ITGB1: variants seen among roughly 807,000 people sequenced by gnomAD.
ITGB1 encodes integrin subunit beta 1, also known as integrin beta-1.
A neutral mutation model predicts 86.5 loss-of-function variants in ITGB1; 24 were observed. That is an observed-to-expected ratio of 0.28 (90% CI 0.20 to 0.39). The LOEUF is 0.39. Among genes scored for constraint, ITGB1 ranks in the 10% least tolerant of loss-of-function variants. The pLI is 1.00. For missense variants in ITGB1, 556 were observed against 946.9 expected, an observed-to-expected ratio of 0.59 and a Z score of 5.42; for synonymous variants, 323 against 316.8, an observed-to-expected ratio of 1.02 and a Z score of -0.21.
At position 32,945,906 on chromosome 10, in the gene ITGB1, T is replaced by A. The variant is rs151165272; in HGVS notation, c.1-10348A>T. On this transcript the variant is annotated intron_variant, in intron 1 of 15. Transcript: ENST00000302278. Reference sequence around the variant, plus strand: ...TTTACTCAGAATTTTCAATTTGCTATAAAAATGTATCAATTAACATACAGA... The same window carrying A: ...TTTACTCAGAATTTTCAATTTGCTAAAAAAATGTATCAATTAACATACAGA... Among the ~76,000 whole-genome samples, 279 of 152,344 alleles carry A rather than the reference T, an allele frequency of 1.8e-3. 2 individuals are homozygous for A. Among genetic ancestry groups the A allele is most frequent in the African/African-American group, 6.4e-3 (267 of 41,588 alleles).
chr10:32,939,498 G>A (rs2095012653), intron 1 of ITGB1, among the ~76,000 whole-genome samples: 1 of 152,212 alleles, frequency 6.6e-6, no homozygotes, highest in South Asian at 2.1e-4. Context: ...AGGCTCTACG[G>A]TACAGCCTAT....
At chr10:32,934,494 C>T (rs1276512406) in intron 2 of ITGB1, among the ~76,000 whole-genome samples, 1 of 152,078 alleles carries the variant, frequency 6.6e-6, no homozygotes, top group African/African-American at 2.4e-5. Context: ...CCCATGGATA[C>T]CATAGGGCAA....
At chr10:32,903,350 T>TTAAA (rs1364772152) in intron 15 of ITGB1, among the ~76,000 whole-genome samples, 1 of 16,054 alleles carries the variant, frequency 6.2e-5, no homozygotes, top group Non-Finnish European at 1.9e-4. Flanking sequence ...AGACTCCATC[T>TTAAA]CAAAAAAAAA....
chr10:32,927,384 GATC>G (rs1407969207), intron 5 of ITGB1, among the ~76,000 whole-genome samples: 3 of 152,182 alleles, frequency 2.0e-5, no homozygotes, highest in Non-Finnish European at 4.4e-5. Flanking sequence ...TTGGAAAGCA[GATC>G]ATCATCATAT....
intron 8 of ITGB1, 117 bp from the exon 9 acceptor site, chr10:32,922,463 T>A (rs1593866518): frequency 1.2e-6 from 1 of 817,236 alleles, no homozygotes; most frequent in East Asian, 2.6e-5. Context: ...TAACTAACTT[T>A]AGGAGTCAAA....
At chr10:32,917,740 C>T (rs911180514) in intron 11 of ITGB1, among the ~76,000 whole-genome samples, 2 of 152,162 alleles carry the variant, frequency 1.3e-5, no homozygotes, top group Non-Finnish European at 2.9e-5. Context: ...TTTTACACTG[C>T]TGGTGGGACT....
At chr10:32,919,780 A>G in intron 11 of ITGB1, 105 bp downstream of exon 11, 1 of 958,624 alleles carries the variant, frequency 1.0e-6, no homozygotes, top group Non-Finnish European at 1.6e-6. Context: ...GGAAAAAATA[A>G]TTTGCTCCAA....
intron 1 of ITGB1, among the ~76,000 whole-genome samples, chr10:32,956,326 G>A (rs1030862533): frequency 2.0e-5 from 3 of 151,748 alleles, no homozygotes; most frequent in Admixed American, 6.6e-5. Context: ...CGTAAAGGAC[G>A]TATGTGGTTT....
At chr10:32,954,941 T>A (rs566573869) in intron 1 of ITGB1, among the ~76,000 whole-genome samples, 1 of 152,306 alleles carries the variant, frequency 6.6e-6, no homozygotes, top group South Asian at 2.1e-4. Flanking sequence ...ATAACAAATG[T>A]ACAAAGTATA....
At chr10:32,929,768 G>GT in intron 4 of ITGB1, 54 bp downstream of exon 4, 2 of 980,528 alleles carry the variant, frequency 2.0e-6, no homozygotes, top group Non-Finnish European at 3.3e-6. Context: ...CATAAAGCTG[G>GT]TGTCGAATGC....
chr10:32,923,766 T>C (rs928055705), intron 6 of ITGB1, 26 bp from the exon 7 acceptor site: 2 of 1,595,118 alleles, frequency 1.3e-6, no homozygotes, highest in Non-Finnish European at 1.7e-6. Context: ...ATTTCAATTT[T>C]AAAACACTAT....
At chr10:32,914,668 G>C (rs763575023) in intron 11 of ITGB1, among the ~76,000 whole-genome samples, 6 of 151,922 alleles carry the variant, frequency 3.9e-5, no homozygotes, top group Non-Finnish European at 8.8e-5. Context: ...CATAAAGCAG[G>C]TCCTGAGAGA....
intron 4 of ITGB1, among the ~76,000 whole-genome samples, chr10:32,928,609 C>T (rs1387680809): frequency 6.6e-6 from 1 of 152,142 alleles, no homozygotes. Flanking sequence ...TAGGGTACAA[C>T]TGACTTTTTA....
intron 11 of ITGB1, among the ~76,000 whole-genome samples, chr10:32,912,810 G>A (rs2094917725): frequency 6.6e-6 from 1 of 152,196 alleles, no homozygotes; most frequent in South Asian, 2.1e-4. Context: ...TTTGAAGAGA[G>A]TAGTGGTTCT....
At chr10:32,920,797 A>G (rs1210613421) in intron 9 of ITGB1, among the ~76,000 whole-genome samples, 2 of 140,798 alleles carry the variant, frequency 1.4e-5, no homozygotes, top group Non-Finnish European at 3.1e-5. Context: ...ACACAGTGAA[A>G]CCCCATCTCC....
intron 1 of ITGB1, 169 bp downstream of exon 1, chr10:32,957,976 C>T (rs7912985): frequency 0.19 from 28,708 of 150,868 alleles, 2,790 homozygotes; most frequent in East Asian, 0.25. Flanking sequence ...TGGAATCCTG[C>T]CCCAGCCCCC....
At chr10:32,905,369 CAAAA>C (rs1481067533) in intron 15 of ITGB1, among the ~76,000 whole-genome samples, 1 of 152,130 alleles carries the variant, frequency 6.6e-6, no homozygotes, top group Non-Finnish European at 1.5e-5. Context: ...TCTCAATAGT[CAAAA>C]AACACAACAA....
chr10:32,919,066 T>C (rs1007729479), intron 11 of ITGB1, among the ~76,000 whole-genome samples: 1 of 152,196 alleles, frequency 6.6e-6, no homozygotes, highest in African/African-American at 2.4e-5. Context: ...TGGACCTGCA[T>C]GATTAAAACA....
At chr10:32,949,994 T>A (rs2095039615) in intron 1 of ITGB1, among the ~76,000 whole-genome samples, 1 of 152,110 alleles carries the variant, frequency 6.6e-6, no homozygotes. Flanking sequence ...ATAAGCCACC[T>A]AAAAGCCAAC....
Sources: allele counts gnomAD v4.1 joint callset (sites outside exome capture counted in the v4.1 genomes callset), GRCh38; gene constraint gnomAD v4.1.1; transcripts MANE v1.5; gene names NCBI Gene and HGNC (gene_info 2026-07-23, HGNC 2026-07-21).